Variants in GPATCH8 observed in about 807,000 individuals in gnomAD.
The protein encoded by GPATCH8 is G patch domain-containing protein 8.
Under a neutral mutation model 118.3 loss-of-function variants are expected in GPATCH8, and 18 were observed. That is an observed-to-expected ratio of 0.15 (90% CI 0.11 to 0.23). The LOEUF is 0.23. GPATCH8 is among the 10% of genes least tolerant of loss of function. The pLI is 1.00. For missense variants in GPATCH8, 1,631 were observed against 1,873.8 expected, an observed-to-expected ratio of 0.87 and a Z score of 2.39; for synonymous variants, 659 against 684.7, an observed-to-expected ratio of 0.96 and a Z score of 0.59.
rs1179048333 is a variant in GPATCH8 at position 44,400,463 on chromosome 17, G to C, written c.1614C>G (p.Phe538Leu). ...TGCTTTCATCTTTGCTCAAAACTGGGAAGAAGGGACCAGTAGGATGTTTGG... is the reference window on the plus strand; with the variant it reads ...TGCTTTCATCTTTGCTCAAAACTGGCAAGAAGGGACCAGTAGGATGTTTGG... ...EGPKHPTGPF[F>L]PVLSKDESTA... is the part of the protein sequence containing the mutation. Residue 538 changes from phenylalanine (F) to leucine (L), a missense_variant, in exon 8 of 8, where the codon TTC becomes TTG. Transcript: ENST00000591680. The C allele has an allele frequency of 6.2e-7, 1 of 1,614,166 alleles. No individual in the cohort carries two copies.
At chr17:44,485,307 G>A (rs1568059732) in intron 1 of GPATCH8, among the ~76,000 whole-genome samples, 1 of 152,134 alleles carries the variant, frequency 6.6e-6, no homozygotes, top group Non-Finnish European at 1.5e-5. Context: ...TAGACTTGGA[G>A]TCTTGCCATG....
chr17:44,461,849 C>G (rs960004361), intron 3 of GPATCH8, among the ~76,000 whole-genome samples: 5 of 115,572 alleles, frequency 4.3e-5, no homozygotes, highest in African/African-American at 1.3e-4. Flanking sequence ...GACTACCAAG[C>G]CCAACTAATT....
intron 6 of GPATCH8, among the ~76,000 whole-genome samples, chr17:44,413,924 C>T (rs562759681): frequency 4.6e-5 from 7 of 151,738 alleles, no homozygotes; most frequent in African/African-American, 1.4e-4. Context: ...CCGGCCAGGC[C>T]GAATAGTCCA....
chr17:44,484,277 C>T (rs912616443), intron 1 of GPATCH8, among the ~76,000 whole-genome samples: 3 of 152,170 alleles, frequency 2.0e-5, no homozygotes, highest in African/African-American at 7.2e-5. Context: ...AGCCACCATG[C>T]GCAGCCCAGA....
At chr17:44,424,262 C>T in intron 6 of GPATCH8, 87 bp downstream of exon 6, 3 of 922,868 alleles carry the variant, frequency 3.3e-6, no homozygotes, top group South Asian at 2.6e-5. Context: ...ATCATAGACA[C>T]CAAGTTTTGG....
chr17:44,463,778 G>C (rs2051654600), intron 3 of GPATCH8, among the ~76,000 whole-genome samples: 1 of 152,172 alleles, frequency 6.6e-6, no homozygotes, highest in African/African-American at 2.4e-5. Context: ...GCAGTTGGTT[G>C]GTTTCCAACT....
intron 6 of GPATCH8, among the ~76,000 whole-genome samples, chr17:44,418,673 G>T (rs947558587): frequency 2.6e-5 from 4 of 152,022 alleles, no homozygotes; most frequent in African/African-American, 9.7e-5. Flanking sequence ...GGATGGTCTC[G>T]ATCTCCTGAC....
chr17:44,406,234 A>C (rs1011899989), intron 6 of GPATCH8, among the ~76,000 whole-genome samples, 183 bp from the exon 7 acceptor site: 8 of 152,230 alleles, frequency 5.3e-5, no homozygotes, highest in African/African-American at 1.4e-4. Flanking sequence ...TAGCACTTGC[A>C]GTATCTGCAT....
chr17:44,414,706 C>T (rs1328680501), intron 6 of GPATCH8, among the ~76,000 whole-genome samples: 1 of 152,186 alleles, frequency 6.6e-6, no homozygotes. Context: ...TCATTACTCC[C>T]AAAAGAAACC....
At chr17:44,450,449 A>AG (rs1275472282) in intron 3 of GPATCH8, among the ~76,000 whole-genome samples, 1 of 152,182 alleles carries the variant, frequency 6.6e-6, no homozygotes, top group Non-Finnish European at 1.5e-5. Flanking sequence ...CTCCTACTTC[A>AG]GGTCTACATT....
intron 1 of GPATCH8, among the ~76,000 whole-genome samples, chr17:44,489,786 C>T (rs1969097070): frequency 1.3e-5 from 2 of 152,170 alleles, no homozygotes; most frequent in Admixed American, 1.3e-4. Flanking sequence ...TTCTTGCCTC[C>T]TAACCCACCT....
chr17:44,461,171 AATTTT>A (rs938808975), intron 3 of GPATCH8, among the ~76,000 whole-genome samples: 10 of 151,994 alleles, frequency 6.6e-5, no homozygotes, highest in Non-Finnish European at 1.5e-4. Flanking sequence ...GGAAAGGGTG[AATTTT>A]ATTTTATTTA....
At chr17:44,478,688 CA>C (rs879390855) in intron 1 of GPATCH8, among the ~76,000 whole-genome samples, 14 of 151,750 alleles carry the variant, frequency 9.2e-5, no homozygotes, top group Non-Finnish European at 1.6e-4. Context: ...AAAAACAAAA[CA>C]AAAAAACCCT....
intron 1 of GPATCH8, among the ~76,000 whole-genome samples, chr17:44,485,109 C>G (rs1968673356): frequency 6.6e-6 from 1 of 151,948 alleles, no homozygotes; most frequent in African/African-American, 2.4e-5. Context: ...CCCACCATGC[C>G]AAGCCTGTTT....
chr17:44,413,251 A>G (rs1451554946), intron 6 of GPATCH8, among the ~76,000 whole-genome samples: 2 of 152,166 alleles, frequency 1.3e-5, no homozygotes, highest in Non-Finnish European at 2.9e-5. Context: ...AACTGAGAGA[A>G]AAAGAAAAAA....
At chr17:44,429,890 G>A (rs937984021) in intron 5 of GPATCH8, among the ~76,000 whole-genome samples, 16 of 151,810 alleles carry the variant, frequency 1.1e-4, no homozygotes, top group African/African-American at 2.4e-4. Flanking sequence ...TTAGCTGGAC[G>A]TGGTGGCGCA....
intron 6 of GPATCH8, among the ~76,000 whole-genome samples, chr17:44,420,591 T>C (rs1349266074): frequency 6.6e-6 from 1 of 151,992 alleles, no homozygotes; most frequent in Non-Finnish European, 1.5e-5. Context: ...ATCTCCCTAG[T>C]TTGAGAGCAA....
At chr17:44,482,241 G>A (rs1215379286) in intron 1 of GPATCH8, among the ~76,000 whole-genome samples, 3 of 151,976 alleles carry the variant, frequency 2.0e-5, no homozygotes, top group Non-Finnish European at 4.4e-5. Flanking sequence ...CAAGGGGAGG[G>A]AAAGCATTAC....
chr17:44,448,615 T>C (rs1333384173), intron 3 of GPATCH8, among the ~76,000 whole-genome samples: 2 of 149,456 alleles, frequency 1.3e-5, no homozygotes, highest in African/African-American at 4.9e-5. Context: ...ACTATCACTA[T>C]ATACCCTTTT....
Sources: allele counts gnomAD v4.1 joint callset (sites outside exome capture counted in the v4.1 genomes callset), GRCh38; gene constraint gnomAD v4.1.1; transcripts MANE v1.5; gene names NCBI Gene and HGNC (gene_info 2026-07-23, HGNC 2026-07-21).